CCDC7: variants seen among roughly 807,000 people sequenced by gnomAD.
CCDC7 encodes coiled-coil domain containing 7, also known as coiled-coil domain-containing protein 7.
A neutral mutation model predicts 196.9 loss-of-function variants in CCDC7; 183 were observed. That is an observed-to-expected ratio of 0.93 (90% CI 0.82 to 1.05). The LOEUF (loss-of-function observed/expected upper bound fraction) is 1.05, where lower values mean the gene tolerates loss of function less well. Ranked by LOEUF, CCDC7 falls within the 50% of genes least tolerant of loss-of-function variation. CCDC7 has a pLI of 0.00. For missense variants in CCDC7, 1,540 were observed against 1,482.2 expected, an observed-to-expected ratio of 1.04 and a Z score of -0.64; for synonymous variants, 525 against 484.6, an observed-to-expected ratio of 1.08 and a Z score of -1.10.
intron 21 of CCDC7, 138 bp from the exon 23 acceptor site, chr10:32,685,832 T>G (rs1421762390): frequency 3.5e-6 from 2 of 565,840 alleles, no homozygotes; most frequent in Non-Finnish European, 6.2e-6. Context: ...ATCAAATCTA[T>G]TATTATTGTA....
intron 20 of CCDC7, among the ~76,000 whole-genome samples, chr10:32,648,725 A>G (rs1158639291): frequency 5.3e-5 from 8 of 152,162 alleles, no homozygotes; most frequent in Admixed American, 2.6e-4. Context: ...TTGAGATGGT[A>G]TCTCATTTTG....
chr10:32,820,260 A>C (rs569522193), intron 31 of CCDC7, among the ~76,000 whole-genome samples: 1 of 152,188 alleles, frequency 6.6e-6, no homozygotes, highest in African/African-American at 2.4e-5. Flanking sequence ...TACAAGGGAC[A>C]GGAAGGACCT....
At chr10:32,681,684 T>C (rs1304892593) in intron 21 of CCDC7, among the ~76,000 whole-genome samples, 1 of 149,910 alleles carries the variant, frequency 6.7e-6, no homozygotes, top group Non-Finnish European at 1.5e-5. Flanking sequence ...ACCTGAAAGA[T>C]CACACAAAAG....
chr10:32,764,169 TAC>T (rs1267880491), intron 28 of CCDC7, among the ~76,000 whole-genome samples: 1 of 151,738 alleles, frequency 6.6e-6, no homozygotes, highest in Admixed American at 6.6e-5. Flanking sequence ...TTGAGATAGT[TAC>T]CTTGCAAAAC....
At chr10:32,720,033 G>T (rs1449753394) in intron 25 of CCDC7, among the ~76,000 whole-genome samples, 1 of 152,046 alleles carries the variant, frequency 6.6e-6, no homozygotes, top group Non-Finnish European at 1.5e-5. Flanking sequence ...ATACCCAAAC[G>T]ATTATAAATT....
At chr10:32,719,844 G>T (rs1223450882) in intron 25 of CCDC7, among the ~76,000 whole-genome samples, 2 of 152,106 alleles carry the variant, frequency 1.3e-5, no homozygotes, top group African/African-American at 4.8e-5. Flanking sequence ...AATTAGAATG[G>T]TGATCATTAA....
At chr10:32,534,385 A>G (rs559341620) in intron 11 of CCDC7, among the ~76,000 whole-genome samples, 6 of 152,154 alleles carry the variant, frequency 3.9e-5, no homozygotes, top group Non-Finnish European at 8.8e-5. Context: ...TCATGAATTA[A>G]CATCTTGTTA....
At chr10:32,786,574 A>C (rs1289772739) in intron 29 of CCDC7, among the ~76,000 whole-genome samples, 1 of 152,220 alleles carries the variant, frequency 6.6e-6, no homozygotes, top group African/African-American at 2.4e-5. Flanking sequence ...CAGCCTGGCC[A>C]ACATGGCGAA....
intron 20 of CCDC7, among the ~76,000 whole-genome samples, chr10:32,646,421 T>A (rs2067779093): frequency 6.6e-6 from 1 of 152,218 alleles, no homozygotes; most frequent in Non-Finnish European, 1.5e-5. Context: ...AAAAAAATTG[T>A]TAAAACTTGT....
At chr10:32,543,461 T>G in intron 12 of CCDC7, 76 bp downstream of exon 13, 1 of 1,156,708 alleles carries the variant, frequency 8.6e-7, no homozygotes, top group Non-Finnish European at 1.1e-6. Context: ...CAATTTAAAG[T>G]CAAATAAACA....
intron 24 of CCDC7, among the ~76,000 whole-genome samples, chr10:32,701,782 T>C (rs1345871872): frequency 1.3e-5 from 2 of 152,206 alleles, no homozygotes; most frequent in African/African-American, 4.8e-5. Context: ...CCATTTCTTC[T>C]AGATTTTCTA....
chr10:32,596,168 G>A (rs7075843), intron 18 of CCDC7, among the ~76,000 whole-genome samples: 21,080 of 150,976 alleles, frequency 0.14, 1,750 homozygotes, highest in East Asian at 0.26. Flanking sequence ...TTATTATTGC[G>A]TGGTCTCTTT....
intron 25 of CCDC7, among the ~76,000 whole-genome samples, chr10:32,724,212 C>G (rs2082794992): frequency 6.6e-6 from 1 of 152,048 alleles, no homozygotes; most frequent in African/African-American, 2.4e-5. Flanking sequence ...TATGGGACTC[C>G]CAGACTCTTG....
intron 29 of CCDC7, among the ~76,000 whole-genome samples, chr10:32,785,348 C>A (rs1288363452): frequency 2.6e-5 from 4 of 152,038 alleles, no homozygotes; most frequent in Admixed American, 6.6e-5. Flanking sequence ...TTCTTCTGCA[C>A]AATTTAAAAT....
intron 16 of CCDC7, among the ~76,000 whole-genome samples, chr10:32,575,600 G>A (rs1301819245): frequency 2.0e-5 from 3 of 152,214 alleles, no homozygotes; most frequent in South Asian, 4.1e-4. Flanking sequence ...ATCACTGAGA[G>A]CTTCCTGGTT....
At chr10:32,454,866 AAATCCTTTGATTTCACAGGGAAACAT>A (rs923377000) in intron 2 of CCDC7, among the ~76,000 whole-genome samples, 24 of 152,092 alleles carry the variant, frequency 1.6e-4, no homozygotes, top group Non-Finnish European at 3.4e-4. Context: ...CTGTCTCCAA[AAATCCTTTGATTTCACAGGGAAACAT>A]AATCCATTGG....
At chr10:32,793,526 T>C (rs2083058091) in intron 29 of CCDC7, among the ~76,000 whole-genome samples, 1 of 152,168 alleles carries the variant, frequency 6.6e-6, no homozygotes, top group Admixed American at 6.5e-5. Context: ...TACTTATAAA[T>C]CAAAAAACAT....
chr10:32,795,976 T>G (rs1170149333), intron 29 of CCDC7, among the ~76,000 whole-genome samples: 1 of 152,164 alleles, frequency 6.6e-6, no homozygotes, highest in Non-Finnish European at 1.5e-5. Context: ...GTTTTGGGCC[T>G]TTGAGAGCCA....
intron 39 of CCDC7, among the ~76,000 whole-genome samples, chr10:32,849,914 TGCAGGGGGGAACTTG>T (rs2093479201): frequency 6.6e-6 from 1 of 152,072 alleles, no homozygotes; most frequent in African/African-American, 2.4e-5. Flanking sequence ...TCCCTGATTC[TGCAGGGGGGAACTTG>T]GATCCCTACT....
Sources: allele counts gnomAD v4.1 joint callset (sites outside exome capture counted in the v4.1 genomes callset), GRCh38; gene constraint gnomAD v4.1.1; transcripts MANE v1.5; gene names NCBI Gene and HGNC (gene_info 2026-07-23, HGNC 2026-07-21).